Variants in NFU1 observed in about 807,000 individuals in gnomAD.
NFU1 encodes NFU1 iron-sulfur cluster scaffold, also known as NFU1 iron-sulfur cluster scaffold homolog, mitochondrial.
Under a neutral mutation model 32.2 loss-of-function variants are expected in NFU1, and 30 were observed. The ratio of observed to expected loss-of-function variants is 0.93; its 90% confidence interval spans 0.70 to 1.26. The LOEUF (loss-of-function observed/expected upper bound fraction) is 1.26. Ranked by LOEUF, NFU1 falls within the 50% of genes most tolerant of loss-of-function variation. NFU1 has a pLI of 0.00. For missense variants in NFU1, 306 were observed against 306.6 expected, an observed-to-expected ratio of 1.00 and a Z score of 0.02; for synonymous variants, 112 against 104.6, an observed-to-expected ratio of 1.07 and a Z score of -0.43.
At chr2:69,405,661 G>A (rs1467059940) in intron 6 of NFU1, among the ~76,000 whole-genome samples, 1 of 152,064 alleles carries the variant, frequency 6.6e-6, no homozygotes, top group Non-Finnish European at 1.5e-5. Context: ...CATTTATTCT[G>A]TATGGGCAAT....
At chr2:69,427,041 T>C (rs1477630671) in intron 2 of NFU1, among the ~76,000 whole-genome samples, 11 of 132,232 alleles carry the variant, frequency 8.3e-5, no homozygotes, top group South Asian at 2.5e-4. Context: ...GCCTGGGCAA[T>C]AGAGAGAGAC....
At position 69,415,301 on chromosome 2, in the gene NFU1, T is replaced by C. The variant is rs762320530; in HGVS notation, c.370-2A>G. The C allele has an allele frequency of 1.3e-6, 2 of 1,545,954 alleles. No individual in the cohort carries two copies. Among genetic ancestry groups the C allele is most frequent in the Non-Finnish European group, 1.8e-6 (2 of 1,118,966 alleles). On this transcript the variant is annotated splice_acceptor_variant, in intron 4 of 7. Coordinates refer to ENST00000410022, the MANE Select transcript of NFU1 (RefSeq NM_001002755.4). LOFTEE classifies it high-confidence loss of function. ...ATTCCAGTCTAATTCTTCATTTTCC[T>C]ATAAACATTTAAAGGAAAATGCTGT...
intron 1 of NFU1, among the ~76,000 whole-genome samples, chr2:69,433,831 T>C (rs1673734200): frequency 6.6e-6 from 1 of 152,128 alleles, no homozygotes; most frequent in Non-Finnish European, 1.5e-5. Flanking sequence ...TGGAGTACAA[T>C]GGTGTGATCA....
chr2:69,416,561 C>A (rs990421206), intron 4 of NFU1, among the ~76,000 whole-genome samples: 16 of 151,650 alleles, frequency 1.1e-4, no homozygotes, highest in Non-Finnish European at 2.1e-4. Flanking sequence ...GAACAGCCTA[C>A]AACTATTCAA....
rs982582006 is a variant in NFU1, at chr2:69,414,075, CAAAT to C, written c.484+1106_484+1109del. Among the ~76,000 whole-genome samples, 6 of 151,970 alleles carry C rather than the reference CAAAT, an allele frequency of 3.9e-5. No individual in the cohort carries two copies. In the East Asian group the frequency reaches 9.6e-4, roughly 24 times the overall value. On this transcript the variant is annotated intron_variant, in intron 5 of 7. Transcript: ENST00000410022. ...AAATAAATAAATAAAAATAAATAAA[CAAAT>C]AAATAAAGAAGCTCTCCACATATTC... is the stretch of plus-strand genomic sequence containing the variant.
downstream of NFU1, chr2:69,395,922 C>A (rs1558800533): frequency 1.8e-5 from 4 of 217,860 alleles, no homozygotes; most frequent in Admixed American, 1.1e-4. Flanking sequence ...AAAAAGCATT[C>A]TGTTTCTTCC....
At chr2:69,437,238 G>A (rs1435806691) in intron 1 of NFU1, 123 bp downstream of exon 1, 12 of 1,489,284 alleles carry the variant, frequency 8.1e-6, no homozygotes, top group Admixed American at 6.7e-5. Flanking sequence ...GCGACAGGGC[G>A]GACCCGCCGG....
intron 1 of NFU1, among the ~76,000 whole-genome samples, chr2:69,434,711 T>G (rs1331729404): frequency 6.6e-6 from 1 of 152,150 alleles, no homozygotes; most frequent in African/African-American, 2.4e-5. Context: ...TGCCAATGGG[T>G]TCACTTTGCC....
intron 6 of NFU1, among the ~76,000 whole-genome samples, chr2:69,404,715 G>A (rs1304598996): frequency 7.1e-6 from 1 of 140,112 alleles, no homozygotes; most frequent in Non-Finnish European, 1.5e-5. Flanking sequence ...CGCCTCCAGG[G>A]TTCAAGTGAT....
At chr2:69,427,545 T>C (rs1673501833) in intron 2 of NFU1, among the ~76,000 whole-genome samples, 1 of 151,192 alleles carries the variant, frequency 6.6e-6, no homozygotes, top group African/African-American at 2.4e-5. Context: ...CCAGGCGTGG[T>C]AGTGTGCGTC....
intron 6 of NFU1, among the ~76,000 whole-genome samples, chr2:69,404,441 GA>G (rs1207312139): frequency 6.7e-6 from 1 of 150,116 alleles, no homozygotes; most frequent in Non-Finnish European, 1.5e-5. Flanking sequence ...GCAGTGAGCT[GA>G]TATCGTGCAG....
intron 5 of NFU1, among the ~76,000 whole-genome samples, chr2:69,412,994 G>C (rs1672935667): frequency 6.6e-6 from 1 of 151,962 alleles, no homozygotes; most frequent in Admixed American, 6.6e-5. Flanking sequence ...TCAAGGAAAT[G>C]CAATTAAAAC....
upstream of NFU1, among the ~76,000 whole-genome samples, chr2:69,439,282 G>T (rs766745120): frequency 3.9e-5 from 6 of 152,044 alleles, no homozygotes; most frequent in Non-Finnish European, 7.4e-5. Context: ...TCTTGGTCTC[G>T]CTAACTTCAA....
chr2:69,415,250 G>A lies in NFU1; in HGVS notation c.419C>T (p.Thr140Ile). The change falls in exon 5 of 8, where the codon ACA becomes ATA. Residue 140 changes from threonine to isoleucine, a missense_variant. By Grantham distance (89) the Thr-to-Ile change is moderately conservative (BLOSUM62 -1). Coordinates refer to ENST00000410022, the MANE Select transcript of NFU1 (RefSeq NM_001002755.4). ...GCCAGATGCAAAGAAGTCCATGATT[G>A]TTGCATAAATATCTGGTTTCAGTAA... is the stretch of plus-strand genomic sequence containing the variant. ...WNLLKPDIYA[T>I]IMDFFASGLP... 1 of 1,612,780 alleles carries A rather than the reference G, an allele frequency of 6.2e-7. No individual in the cohort carries two copies. The highest frequency in any genetic ancestry group is 2.2e-5 in the East Asian group (1 of 44,864).
At chr2:69,428,576 G>A (rs890721593) in intron 2 of NFU1, among the ~76,000 whole-genome samples, 2 of 151,960 alleles carry the variant, frequency 1.3e-5, no homozygotes, top group Admixed American at 6.6e-5. Context: ...GAGACTAAAG[G>A]TCACTCAGCT....
Position 69,411,950 on chromosome 2 carries a change from G to A in NFU1, c.484+3235C>T, listed in dbSNP as rs146288677. The stretch of plus-strand genomic sequence containing the variant: ...TATAAAAAAGACATATGGGCCAGGT[G>A]GCGGTGGTTCATGCTTATAATCTCA... On this transcript the variant is annotated intron_variant, in intron 5 of 7. Transcript: ENST00000410022. Among the ~76,000 whole-genome samples, 46 of 152,266 alleles carry A rather than the reference G, an allele frequency of 3.0e-4. 1 individual carries two copies. In the East Asian group the frequency reaches 8.9e-3, roughly 29 times the overall value.
At chr2:69,419,224 C>T (rs1353989053) in intron 4 of NFU1, among the ~76,000 whole-genome samples, 1 of 138,330 alleles carries the variant, frequency 7.2e-6, no homozygotes, top group Non-Finnish European at 1.6e-5. Context: ...CGGGGGGGGG[C>T]GCCGAGGCAG....
chr2:69,425,567 C>G (rs1673425678), intron 2 of NFU1, among the ~76,000 whole-genome samples: 1 of 151,984 alleles, frequency 6.6e-6, no homozygotes, highest in African/African-American at 2.4e-5. Flanking sequence ...GTTGGCCCAG[C>G]TGGTCTCAAA....
chr2:69,432,400 C>A (rs955895483), intron 1 of NFU1, among the ~76,000 whole-genome samples: 2 of 152,070 alleles, frequency 1.3e-5, no homozygotes, highest in African/African-American at 2.4e-5. Context: ...CATGGAGAAA[C>A]CCCATCTCTA....
Sources: allele counts gnomAD v4.1 joint callset (sites outside exome capture counted in the v4.1 genomes callset), GRCh38; gene constraint gnomAD v4.1.1; transcripts MANE v1.5; gene names NCBI Gene and HGNC (gene_info 2026-07-23, HGNC 2026-07-21).